Variants in SLC28A3 observed in about 807,000 individuals in gnomAD.
SLC28A3 encodes solute carrier family 28 member 3.
A neutral mutation model predicts 84.2 loss-of-function variants in SLC28A3; 68 were observed. The observed-to-expected ratio is 0.81, with a 90% CI of 0.66 to 0.99. The LOEUF is 0.99. SLC28A3 is among the 50% of genes least tolerant of loss of function. The probability of loss-of-function intolerance (pLI) is 0.00; values close to 1 mark genes in which losing one functional copy is unlikely to be tolerated. For missense variants in SLC28A3, 712 were observed against 841.5 expected, an observed-to-expected ratio of 0.85 and a Z score of 1.90; for synonymous variants, 267 against 303.6, an observed-to-expected ratio of 0.88 and a Z score of 1.25.
rs1825476831 is a variant in SLC28A3 at position 84,297,892 on chromosome 9, TG to T, written c.783+13del. 1.3e-6 allele frequency: 2 copies of T among 1,586,988 alleles called. No homozygotes were observed. Among genetic ancestry groups the T allele is most frequent in the East Asian group, 4.5e-5 (2 of 44,636 alleles). On this transcript the variant is annotated intron_variant, in intron 7 of 17. Transcript: ENST00000376238. ...GCACCATAAAAGCAAAGTGTTCTTT[TG>T]AACCAAACTTACCTGAACTTGTCTG...
chr9:84,313,696 A>G (rs771839475), intron 1 of SLC28A3, among the ~76,000 whole-genome samples: 5 of 151,764 alleles, frequency 3.3e-5, no homozygotes. Context: ...GGGAGGGGAG[A>G]CCAGCCTGGG....
intron 8 of SLC28A3, among the ~76,000 whole-genome samples, chr9:84,294,861 G>C (rs1825357010): frequency 6.6e-6 from 1 of 152,104 alleles, no homozygotes; most frequent in African/African-American, 2.4e-5. Flanking sequence ...TTATCTATAA[G>C]GAATATCTGA....
chr9:84,279,828 T>A (rs982010755), intron 16 of SLC28A3, 147 bp downstream of exon 16: 61 of 703,384 alleles, frequency 8.7e-5, no homozygotes, highest in Non-Finnish European at 1.2e-4. Flanking sequence ...ACTGCACACA[T>A]TTAACTTTAC....
At chr9:84,333,736 A>G (rs557596283) in intron 1 of SLC28A3, among the ~76,000 whole-genome samples, 9 of 152,342 alleles carry the variant, frequency 5.9e-5, no homozygotes, top group Non-Finnish European at 1.3e-4. Flanking sequence ...CCAATCTGAC[A>G]CTATCAGCAA....
intron 1 of SLC28A3, among the ~76,000 whole-genome samples, chr9:84,335,679 G>C (rs1826947662): frequency 6.6e-6 from 1 of 151,992 alleles, no homozygotes; most frequent in African/African-American, 2.4e-5. Context: ...TTCATACTAT[G>C]TGCCAGGCAC....
intron 4 of SLC28A3, among the ~76,000 whole-genome samples, chr9:84,302,818 A>G (rs1825678855): frequency 6.6e-6 from 1 of 152,140 alleles, no homozygotes; most frequent in African/African-American, 2.4e-5. Context: ...CCTAAATTTG[A>G]GTGAAGGAAT....
chr9:84,350,010 G>A, the SLC28A3 span, among the ~76,000 whole-genome samples: 2 of 152,230 alleles, frequency 1.3e-5, no homozygotes. Context: ...AACACACCTA[G>A]GTTATATGGT....
At chr9:84,351,835 G>A in the SLC28A3 span, among the ~76,000 whole-genome samples, 1 of 151,336 alleles carries the variant, frequency 6.6e-6, no homozygotes, top group Non-Finnish European at 1.5e-5. Context: ...GGAGTATTTA[G>A]GAATAAAGTG....
chr9:84,334,233 A>G (rs1261846773), intron 1 of SLC28A3, among the ~76,000 whole-genome samples: 1 of 152,216 alleles, frequency 6.6e-6, no homozygotes, highest in Non-Finnish European at 1.5e-5. Flanking sequence ...GGGGAGGCAG[A>G]GGTTGCAGTG....
intron 1 of SLC28A3, 144 bp downstream of exon 1, chr9:84,340,430 A>T: frequency 1.2e-6 from 1 of 840,588 alleles, no homozygotes. Flanking sequence ...GCCCAAGAAG[A>T]AAAAATAATG....
At chr9:84,366,929 G>A in the SLC28A3 span, among the ~76,000 whole-genome samples, 6,605 of 152,284 alleles carry the variant, frequency 0.043, 197 homozygotes, top group African/African-American at 0.084. Context: ...GGGCTCTACA[G>A]TCAACAGGTG....
intron 11 of SLC28A3, among the ~76,000 whole-genome samples, chr9:84,288,631 C>T (rs1167636684): frequency 5.9e-5 from 9 of 152,066 alleles, no homozygotes; most frequent in African/African-American, 1.4e-4. Context: ...CTGCAACCTC[C>T]GCCTCCCTGG....
intron 1 of SLC28A3, among the ~76,000 whole-genome samples, chr9:84,335,426 T>C (rs1826937095): frequency 6.6e-6 from 1 of 152,182 alleles, no homozygotes; most frequent in Non-Finnish European, 1.5e-5. Flanking sequence ...CACGTGCCTG[T>C]AGTCCCAGCT....
chr9:84,336,779 C>T (rs1415324700), intron 1 of SLC28A3, among the ~76,000 whole-genome samples: 1 of 152,222 alleles, frequency 6.6e-6, no homozygotes, highest in Non-Finnish European at 1.5e-5. Flanking sequence ...TGCCCCCTTT[C>T]CCTATACCGT....
chr9:84,310,632 A>T (rs926061702), intron 2 of SLC28A3: 10 of 976,572 alleles, frequency 1.0e-5, no homozygotes, highest in Non-Finnish European at 1.2e-5. Context: ...TGTGTCTGAG[A>T]TGAAAGAATT....
chr9:84,361,853 A>G, the SLC28A3 span, among the ~76,000 whole-genome samples: 24 of 152,168 alleles, frequency 1.6e-4, no homozygotes, highest in African/African-American at 5.8e-4. Context: ...TTGAGGTTAC[A>G]GTGAGCAATT....
In SLC28A3 at chr9:84,285,417, G is replaced by A. The variant is rs11140494; in HGVS notation, c.1575C>T (p.His525=). The change falls in exon 14 of 18, where the codon CAC becomes CAT. Residue 525 remains histidine (H), a synonymous_variant. Coordinates refer to ENST00000376238, the MANE Select transcript of SLC28A3 (RefSeq NM_001199633.2). ...TFFNEFVAYE[H]LSKWIHLRKE... is the part of the protein sequence containing the mutation. ...TCCTCAAGTGGATCCATTTTGAGAG[G>A]TGCTCATAAGCCACAAATTCATTGA... 1,410 of 1,614,128 alleles carry A rather than the reference G, an allele frequency of 8.7e-4. 14 individuals are homozygous for A. In the African/African-American group the frequency reaches 0.016, roughly 19 times the overall value.
At chr9:84,310,974 T>C (rs986655351) in intron 2 of SLC28A3, among the ~76,000 whole-genome samples, 2 of 152,210 alleles carry the variant, frequency 1.3e-5, no homozygotes, top group Admixed American at 6.5e-5. Flanking sequence ...TATTTTTCCA[T>C]CTTTTCTCAT....
At chr9:84,357,094 A>T in the SLC28A3 span, among the ~76,000 whole-genome samples, 73 of 152,246 alleles carry the variant, frequency 4.8e-4, 1 homozygote, top group Non-Finnish European at 1.9e-4. Flanking sequence ...CAGCTTCATG[A>T]AGGCCGGGAA....
Sources: allele counts gnomAD v4.1 joint callset (sites outside exome capture counted in the v4.1 genomes callset), GRCh38; gene constraint gnomAD v4.1.1; transcripts MANE v1.5; gene names NCBI Gene and HGNC (gene_info 2026-07-23, HGNC 2026-07-21).